The following NF2 variants were observed in gnomAD, a reference collection of about 807,000 sequenced individuals.
NF2 encodes the protein merlin.
In NF2, 8 loss-of-function variants were observed where a neutral mutation model predicts 83.7. The observed-to-expected ratio is 0.10, with a 90% CI of 0.06 to 0.17. The LOEUF (loss-of-function observed/expected upper bound fraction) is 0.17, where lower values mean the gene tolerates loss of function less well. Among genes scored for constraint, NF2 ranks in the 10% least tolerant of loss-of-function variants. The probability of loss-of-function intolerance (pLI) is 1.00; values close to 1 mark genes in which losing one functional copy is unlikely to be tolerated. For synonymous variants in NF2, 266 were observed against 269.6 expected (o/e 0.99, Z 0.13); for missense variants, 533 against 744.4 (o/e 0.72, Z 3.31).
chr22:29,608,916 A>G (rs1472033555), intron 1 of NF2: 5 of 552,880 alleles, frequency 9.0e-6, no homozygotes, highest in South Asian at 2.1e-5. Flanking sequence ...TCGGGCTGCA[A>G]GATTGGCCTG....
chr22:29,652,835 G>A (rs2066188244), intron 4 of NF2, among the ~76,000 whole-genome samples: 1 of 152,196 alleles, frequency 6.6e-6, no homozygotes, highest in Admixed American at 6.5e-5. Flanking sequence ...TACTGTTAAA[G>A]CTTAGTACAG....
intron 3 of NF2, 84 bp from the exon 4 acceptor site, chr22:29,642,118 C>A: frequency 1.8e-6 from 2 of 1,122,626 alleles, no homozygotes; most frequent in Non-Finnish European, 2.7e-6. Flanking sequence ...CTCATTAGAA[C>A]GCCGTGAGGC....
intron 15 of NF2, among the ~76,000 whole-genome samples, chr22:29,691,074 C>T (rs1020730347): frequency 1.6e-4 from 24 of 152,254 alleles, no homozygotes; most frequent in Non-Finnish European, 3.1e-4. Context: ...CCTCGAGACC[C>T]TGGTTGTACA....
chr22:29,617,314 A>G (rs2065106204), intron 1 of NF2, among the ~76,000 whole-genome samples: 1 of 152,154 alleles, frequency 6.6e-6, no homozygotes, highest in Admixed American at 6.5e-5. Flanking sequence ...TCCAGACCCA[A>G]AGATGTTGGA....
chr22:29,668,543 C>T (rs1014730371), intron 10 of NF2, 97 bp downstream of exon 10: 116 of 845,882 alleles, frequency 1.4e-4, no homozygotes, highest in Admixed American at 4.2e-4. Flanking sequence ...GTCTTTTGGC[C>T]GTGGACATAC....
At chr22:29,617,886 T>C (rs2065119635) in intron 1 of NF2, among the ~76,000 whole-genome samples, 1 of 152,224 alleles carries the variant, frequency 6.6e-6, no homozygotes, top group Non-Finnish European at 1.5e-5. Context: ...GAATTCTAGC[T>C]AAAATACTTC....
At chr22:29,677,024 C>T (rs1047405912) in intron 13 of NF2, among the ~76,000 whole-genome samples, 21 of 125,186 alleles carry the variant, frequency 1.7e-4, no homozygotes, top group African/African-American at 5.4e-4. Flanking sequence ...GACGGTCTGC[C>T]TCAGGCCTTG....
intron 4 of NF2, among the ~76,000 whole-genome samples, chr22:29,643,466 C>T (rs2065872320): frequency 6.6e-6 from 1 of 152,154 alleles, no homozygotes; most frequent in South Asian, 2.1e-4. Flanking sequence ...TCCCTGGGTA[C>T]TTGAGATTAG....
chr22:29,694,612 C>T lies in NF2; in HGVS notation c.1738-140C>T. On this transcript the variant is annotated intron_variant, in intron 15 of 15. Coordinates refer to ENST00000338641, the MANE Select transcript of NF2 (RefSeq NM_000268.4). This position sits in a 1 kb window ranked among gnomAD's most constrained non-coding sequence, Gnocchi z 4.1. Reference sequence around the variant, plus strand: ...TGGCCGCTTATTTGGGACTGACAGCCAACTTCTTGAGCATCTATTTGAACA... The same window carrying T: ...TGGCCGCTTATTTGGGACTGACAGCTAACTTCTTGAGCATCTATTTGAACA... 1 of 848,490 alleles carries T rather than the reference C, an allele frequency of 1.2e-6. No homozygotes were observed. The highest frequency in any genetic ancestry group is 2.0e-6 in the Non-Finnish European group (1 of 505,722). 52.6% of individuals were successfully genotyped at this position (848,490 alleles called of 1,614,324 possible).
chr22:29,644,570 G>A (rs1181851288), intron 4 of NF2, among the ~76,000 whole-genome samples: 3 of 151,604 alleles, frequency 2.0e-5, no homozygotes, highest in Admixed American at 6.6e-5. Context: ...CAAGGCAGGC[G>A]GCTGGGAGGT....
chr22:29,642,362 T>G (rs2065834615), intron 4 of NF2, 77 bp downstream of exon 4: 1 of 1,217,158 alleles, frequency 8.2e-7, no homozygotes, highest in Non-Finnish European at 1.2e-6. Context: ...TTCTCTTTCT[T>G]TGGGTTTTCT....
rs200372028 is a variant in NF2 at position 29,668,430 on chromosome 22, A to T, written c.983A>T (p.Glu328Val). ...VQQMKAQARE[E>V]KARKQMERQR... ...CAGATGAAAGCCCAGGCCAGGGAGG[A>T]GAAGGCTAGAAAGCAGGTGAGCACA... Residue 328 changes from glutamate to valine, a missense_variant, in exon 10 of 16, where the codon GAG (glutamate) becomes GTG (valine). Physicochemically the swap from Glu to Val is moderately radical, Grantham distance 121. Coordinates refer to ENST00000338641, the MANE Select transcript of NF2 (RefSeq NM_000268.4). 8.1e-6 allele frequency: 13 copies of T among 1,613,668 alleles called. No individual in the cohort carries two copies. The highest frequency in any genetic ancestry group is 1.1e-5 in the South Asian group (1 of 91,058).
At chr22:29,617,454 TAGATGCC>T (rs1264858943) in intron 1 of NF2, among the ~76,000 whole-genome samples, 1 of 152,064 alleles carries the variant, frequency 6.6e-6, no homozygotes, top group Admixed American at 6.6e-5. Flanking sequence ...CTCTACCTAC[TAGATGCC>T]AGTAGCATTC....
intron 15 of NF2, among the ~76,000 whole-genome samples, chr22:29,686,988 C>A (rs1042639284): frequency 6.6e-6 from 1 of 152,150 alleles, no homozygotes; most frequent in Non-Finnish European, 1.5e-5. Flanking sequence ...AGCCACAGTG[C>A]CAATGATGGG....
chr22:29,682,860 A>G, intron 15 of NF2: 1 of 781,924 alleles, frequency 1.3e-6, no homozygotes, highest in Non-Finnish European at 2.2e-6. Flanking sequence ...AGAAACCTGC[A>G]GTGTGAGAGC....
At chr22:29,650,918 G>A (rs969057433) in intron 4 of NF2, among the ~76,000 whole-genome samples, 18 of 152,038 alleles carry the variant, frequency 1.2e-4, no homozygotes, top group African/African-American at 3.9e-4. Context: ...ATCTTTTTCC[G>A]ATTGATTTGT....
At chr22:29,640,355 G>A (rs2065773883) in intron 3 of NF2, among the ~76,000 whole-genome samples, 1 of 152,104 alleles carries the variant, frequency 6.6e-6, no homozygotes, top group African/African-American at 2.4e-5. Flanking sequence ...GCCCCTTAAA[G>A]GCAAGCCTCA....
chr22:29,618,425 A>T (rs996074078), intron 1 of NF2, among the ~76,000 whole-genome samples: 8 of 151,966 alleles, frequency 5.3e-5, no homozygotes, highest in Non-Finnish European at 8.8e-5. Context: ...ATGTTACCTT[A>T]TGCTAATAAG....
At position 29,696,529 on chromosome 22, in the gene NF2, CT is replaced by C; in HGVS notation, c.*1729del. On this transcript the variant is annotated 3_prime_UTR_variant, in exon 16 of 16. Transcript: ENST00000338641. ...GGCAATTCCATCTGGTTTTGAGAAA[CT>C]TAGCAGCTCACAGAGCACAGAGATC... The C allele has an allele frequency of 4.6e-6, 1 of 218,002 alleles. No individual in the cohort carries two copies. Among genetic ancestry groups the C allele is most frequent in the East Asian group, 6.7e-5 (1 of 14,928 alleles). 13.5% of individuals were successfully genotyped at this position (218,002 alleles called of 1,614,324 possible). A position where few individuals can be genotyped will look rare whatever the true frequency, so the allele number is the denominator to read the frequency against.
Sources: allele counts gnomAD v4.1 joint callset (sites outside exome capture counted in the v4.1 genomes callset), GRCh38; gene constraint gnomAD v4.1.1; non-coding constraint Gnocchi (gnomAD v3.1); transcripts MANE v1.5; gene names NCBI Gene and HGNC (gene_info 2026-07-23, HGNC 2026-07-21).